Variants in PRLR observed in about 807,000 individuals in gnomAD.
The protein encoded by PRLR is prolactin receptor, also known as hPRL receptor.
PRLR carries 13 observed loss-of-function variants against 40.2 expected under a neutral mutation model. The observed-to-expected ratio is 0.32, with a 90% CI of 0.21 to 0.51. The LOEUF is 0.51. Among genes scored for constraint, PRLR ranks in the 20% least tolerant of loss-of-function variants. The pLI, the probability that PRLR is intolerant of heterozygous loss-of-function variation, is 0.97. For synonymous variants in PRLR, 269 were observed against 278.7 expected, an observed-to-expected ratio of 0.97 and a Z score of 0.35; for missense variants, 656 against 747.3, an observed-to-expected ratio of 0.88 and a Z score of 1.42.
intron 2 of PRLR, among the ~76,000 whole-genome samples, chr5:35,116,788 T>C (rs1384231150): frequency 1.3e-5 from 2 of 152,228 alleles, no homozygotes; most frequent in East Asian, 1.9e-4. Flanking sequence ...TGATGACTGA[T>C]GACACTTCTT....
At chr5:35,177,036 T>C (rs1775168493) in intron 1 of PRLR, among the ~76,000 whole-genome samples, 1 of 152,156 alleles carries the variant, frequency 6.6e-6, no homozygotes, top group African/African-American at 2.4e-5. Context: ...TGTGTATGCA[T>C]ATCTAAAAGC....
chr5:35,139,196 GCGATGTCGGCTCTTTGCAACCTCTGCCTC>G (rs1168808855), intron 1 of PRLR, among the ~76,000 whole-genome samples: 1 of 152,112 alleles, frequency 6.6e-6, no homozygotes, highest in Non-Finnish European at 1.5e-5. Context: ...GTGCGGTGGT[GCGATGTCGGCTCTTTGCAACCTCTGCCTC>G]CTGGGTTCAA....
intron 2 of PRLR, among the ~76,000 whole-genome samples, chr5:35,117,371 TGA>T (rs1002178945): frequency 6.6e-6 from 1 of 152,312 alleles, no homozygotes; most frequent in African/African-American, 2.4e-5. Context: ...TTCCTCTGAA[TGA>T]GAGAGTACAG....
chr5:35,052,347 G>A (rs1376374111), downstream of PRLR, among the ~76,000 whole-genome samples: 1 of 152,162 alleles, frequency 6.6e-6, no homozygotes, highest in African/African-American at 2.4e-5. Context: ...GAAAAGCCAT[G>A]TGAACATATC....
At chr5:35,123,559 G>A (rs1773361126) in intron 1 of PRLR, among the ~76,000 whole-genome samples, 1 of 152,154 alleles carries the variant, frequency 6.6e-6, no homozygotes, top group Non-Finnish European at 1.5e-5. Context: ...CCTGGATGAT[G>A]TTATTGATTT....
intron 1 of PRLR, among the ~76,000 whole-genome samples, chr5:35,219,119 G>T (rs1345581135): frequency 2.6e-5 from 4 of 152,144 alleles, no homozygotes; most frequent in Non-Finnish European, 5.9e-5. Context: ...TCAGCCTCTA[G>T]ATTATGCCAT....
chr5:35,083,068 TAC>T (rs3836809), intron 5 of PRLR, among the ~76,000 whole-genome samples: 13,110 of 144,160 alleles, frequency 0.091, 563 homozygotes, highest in South Asian at 0.18. Flanking sequence ...GGTAAGGCAA[TAC>T]ACACACACAC....
rs1408748016 is a variant in PRLR at position 35,191,134 on chromosome 5, A to C, written c.-106+39134T>G. 1.8e-5 allele frequency among the ~76,000 whole-genome samples: 2 copies of C among 114,250 alleles called. 1 individual carries two copies. Among genetic ancestry groups the C allele is most frequent in the Non-Finnish European group, 3.5e-5 (2 of 57,170 alleles). The allele number at this position is 114,250 out of a possible 152,430, so 75.0% of individuals were successfully genotyped here. A position where few individuals can be genotyped will look rare whatever the true frequency, so the allele number is the denominator to read the frequency against. ...CGCCCAGGCTGGAGTGCAGTGGCGCAATCTCGGCTCACTGCAAGCTCCGCC... is the reference window on the plus strand; with the variant it reads ...CGCCCAGGCTGGAGTGCAGTGGCGCCATCTCGGCTCACTGCAAGCTCCGCC... On this transcript the variant is annotated intron_variant, in intron 1 of 9. Transcript: ENST00000618457.
chr5:35,220,695 G>T (rs1291854711), intron 1 of PRLR, among the ~76,000 whole-genome samples: 1 of 152,130 alleles, frequency 6.6e-6, no homozygotes, highest in Non-Finnish European at 1.5e-5. Context: ...TTAGTTGAGT[G>T]AATAAAGAAA....
Position 35,133,806 on chromosome 5 carries a change from T to A in PRLR, c.-105-15684A>T, listed in dbSNP as rs530584675. ...TACATCTGTTGGGAGCAAAAAAATG[T>A]CACAGTCTCATTTTTGCCAAGTGGT... On this transcript the variant is annotated intron_variant, in intron 1 of 9. Transcript: ENST00000618457. 1.4e-4 allele frequency among the ~76,000 whole-genome samples: 21 copies of A among 152,308 alleles called. No homozygotes were observed. In the South Asian group the frequency reaches 4.1e-3, roughly 30 times the overall value.
chr5:35,175,073 A>C (rs1282919804), intron 1 of PRLR, among the ~76,000 whole-genome samples: 1 of 152,212 alleles, frequency 6.6e-6, no homozygotes, highest in Non-Finnish European at 1.5e-5. Context: ...TTAAAGATAA[A>C]TGGATGGACA....
intron 2 of PRLR, among the ~76,000 whole-genome samples, chr5:35,089,984 A>G (rs1055453946): frequency 3.3e-5 from 5 of 152,164 alleles, no homozygotes; most frequent in African/African-American, 1.2e-4. Flanking sequence ...CCACCTAACA[A>G]TATATCATCC....
chr5:35,230,077 G>C (rs1408544659), intron 1 of PRLR, among the ~76,000 whole-genome samples, 191 bp downstream of exon 1: 1 of 152,080 alleles, frequency 6.6e-6, no homozygotes, highest in Admixed American at 6.5e-5. Context: ...GCGGGAGGCG[G>C]GCGGATCCCG....
At chr5:35,149,739 G>T (rs1162236590) in intron 1 of PRLR, among the ~76,000 whole-genome samples, 1 of 152,148 alleles carries the variant, frequency 6.6e-6, no homozygotes. Context: ...CTTGACCCAA[G>T]ATATCAATAA....
At chr5:35,067,441 CTCTAGT>C (rs1769449453) in intron 9 of PRLR, among the ~76,000 whole-genome samples, 16 of 152,162 alleles carry the variant, frequency 1.1e-4, no homozygotes, top group Non-Finnish European at 1.3e-4. Flanking sequence ...GACTCCTGGG[CTCTAGT>C]CCCTGCTTCG....
chr5:35,088,240 C>T (rs192788466), intron 3 of PRLR, among the ~76,000 whole-genome samples: 72 of 152,322 alleles, frequency 4.7e-4, no homozygotes, highest in African/African-American at 1.6e-3. Context: ...CCTTGCCAGC[C>T]CGGGTCAGCT....
downstream of PRLR, among the ~76,000 whole-genome samples, chr5:35,054,512 GATTA>G: frequency 6.6e-6 from 1 of 152,130 alleles, no homozygotes; most frequent in Admixed American, 6.5e-5. Flanking sequence ...TAAATAGGGA[GATTA>G]ATAAATTATA....
At position 35,230,332 on chromosome 5, in the gene PRLR, TC is replaced by T. The variant is rs1776685909; in HGVS notation, c.-171del. The T allele has an allele frequency of 6.6e-6, 1 of 152,326 alleles. No homozygotes were observed. The highest frequency in any genetic ancestry group is 2.4e-5 in the African/African-American group (1 of 41,546). 9.4% of individuals were successfully genotyped at this position (152,326 alleles called of 1,614,324 possible). On this transcript the variant is annotated 5_prime_UTR_variant, in exon 1 of 10. It removes the in-frame stop codon of an upstream open reading frame in the 5' UTR. Coordinates refer to ENST00000618457, the MANE Select transcript of PRLR (RefSeq NM_000949.7). ...TACTTCCTGCACGAGGACATGAAGC[TC>T]CATTGTGTGGAAAGCTGTTTCGCGA...
At chr5:35,083,524 CTTT>C (rs59813376) in intron 5 of PRLR, among the ~76,000 whole-genome samples, 3 of 136,426 alleles carry the variant, frequency 2.2e-5, no homozygotes, top group Non-Finnish European at 3.2e-5. Context: ...CTTTTCTTTT[CTTT>C]TTTTTTTTTT....
Sources: gnomAD v4.1 joint callset for allele counts (sites outside exome capture counted in the v4.1 genomes callset) on GRCh38, gnomAD v4.1.1 for gene constraint, MANE v1.5 for transcripts, NCBI Gene and HGNC (gene_info 2026-07-23, HGNC 2026-07-21) for gene names.